Variants in PPM1L observed in about 807,000 individuals in gnomAD.
PPM1L encodes protein phosphatase, Mg2+/Mn2+ dependent 1L.
A neutral mutation model predicts 31.4 loss-of-function variants in PPM1L; 13 were observed. That is an observed-to-expected ratio of 0.41 (90% CI 0.27 to 0.66). PPM1L has a LOEUF of 0.66. Among genes scored for constraint, PPM1L ranks in the 30% least tolerant of loss-of-function variants. The pLI is 0.29. For missense variants in PPM1L, 326 were observed against 453.7 expected (o/e 0.72, Z 2.56); for synonymous variants, 184 against 175.4 (o/e 1.05, Z -0.39).
chr3:160,868,366 A>G (rs1039643710), intron 1 of PPM1L, among the ~76,000 whole-genome samples: 1 of 152,166 alleles, frequency 6.6e-6, no homozygotes, highest in Admixed American at 6.5e-5. Flanking sequence ...GCTTGTCTTC[A>G]AGGCACCCTG....
At chr3:160,814,526 CAT>C (rs1491199704) in intron 1 of PPM1L, among the ~76,000 whole-genome samples, 1 of 98,202 alleles carries the variant, frequency 1.0e-5, no homozygotes, top group Admixed American at 9.7e-5. Flanking sequence ...TATACACACA[CAT>C]ATGTATGTAT....
intron 1 of PPM1L, among the ~76,000 whole-genome samples, chr3:160,885,569 C>T (rs1260093562): frequency 6.6e-6 from 1 of 152,174 alleles, no homozygotes; most frequent in African/African-American, 2.4e-5. Flanking sequence ...GCATGATCCA[C>T]GAAGAGGAGG....
intron 2 of PPM1L, among the ~76,000 whole-genome samples, chr3:161,041,734 T>C (rs1321383069): frequency 6.6e-6 from 1 of 151,904 alleles, no homozygotes; most frequent in Non-Finnish European, 1.5e-5. Context: ...GACAACAGAG[T>C]GAGACTGTGC....
rs746897902 is a variant in PPM1L, at chr3:161,043,019, CAA to C, written c.575-22370_575-22369del. 5.7e-4 allele frequency among the ~76,000 whole-genome samples: 61 copies of C among 107,482 alleles called. 1 individual carries two copies. The South Asian group carries it at 0.015, about 27-fold the overall frequency. The allele number at this position is 107,482 out of a possible 152,430, so 70.5% of individuals were successfully genotyped here. On this transcript the variant is annotated intron_variant, in intron 2 of 3. Transcript: ENST00000498165. Reference sequence around the variant, plus strand: ...TGGCCAACAGAGTAAGATTCTGTCTCAAAAAAAAAAAAAAATTGTTATTTTTT... The same window carrying C: ...TGGCCAACAGAGTAAGATTCTGTCTCAAAAAAAAAAAAATTGTTATTTTTT...
chr3:161,041,595 A>G (rs1182938991), intron 2 of PPM1L, among the ~76,000 whole-genome samples: 1 of 152,106 alleles, frequency 6.6e-6, no homozygotes, highest in Non-Finnish European at 1.5e-5. Context: ...CTAAAAATAC[A>G]AAAAATTAGC....
intron 2 of PPM1L, among the ~76,000 whole-genome samples, chr3:161,058,080 A>T (rs1281853166): frequency 1.4e-5 from 2 of 142,808 alleles, no homozygotes; most frequent in Non-Finnish European, 3.1e-5. Context: ...GTTTAGCATT[A>T]TAATAAAATA....
At chr3:161,064,514 A>C (rs1030047834) in intron 2 of PPM1L, among the ~76,000 whole-genome samples, 2 of 152,186 alleles carry the variant, frequency 1.3e-5, no homozygotes, top group African/African-American at 4.8e-5. Context: ...AATTTTAACG[A>C]GGGAGATATG....
intron 1 of PPM1L, among the ~76,000 whole-genome samples, chr3:160,913,758 G>C (rs1480644901): frequency 6.6e-6 from 1 of 152,068 alleles, no homozygotes; most frequent in Non-Finnish European, 1.5e-5. Context: ...TTTCTGACTA[G>C]TATTCCATTG....
At chr3:160,859,891 C>G (rs937970785) in intron 1 of PPM1L, among the ~76,000 whole-genome samples, 1 of 152,184 alleles carries the variant, frequency 6.6e-6, no homozygotes, top group African/African-American at 2.4e-5. Flanking sequence ...GCGGAAGCCT[C>G]TGGTGAGTCC....
chr3:161,053,056 C>G lies in PPM1L; in HGVS notation c.575-12347C>G, dbSNP rs1225181967. Reference sequence around the variant, plus strand: ...ACCCTAAAAGAGAAGTGAGACAACTCACTGAAGAATCCTCAAATAACACGA... The same window carrying G: ...ACCCTAAAAGAGAAGTGAGACAACTGACTGAAGAATCCTCAAATAACACGA... On this transcript the variant is annotated intron_variant, in intron 2 of 3. Coordinates refer to ENST00000498165, the MANE Select transcript of PPM1L (RefSeq NM_139245.4). 2.0e-5 allele frequency among the ~76,000 whole-genome samples: 3 copies of G among 152,192 alleles called. No homozygotes were observed. In the East Asian group the frequency reaches 5.8e-4, roughly 29 times the overall value.
chr3:160,773,852 AC>A (rs1304316794), intron 1 of PPM1L, among the ~76,000 whole-genome samples: 1 of 149,470 alleles, frequency 6.7e-6, no homozygotes, highest in Non-Finnish European at 1.5e-5. Flanking sequence ...CCAGAGACTC[AC>A]CCCCTTGGTT....
chr3:161,011,298 G>C (rs1057241134), intron 2 of PPM1L, among the ~76,000 whole-genome samples: 1 of 152,078 alleles, frequency 6.6e-6, no homozygotes, highest in Non-Finnish European at 1.5e-5. Flanking sequence ...TCTTGTTTTT[G>C]TCAGGTTTGT....
At chr3:160,952,901 T>TTC (rs1479477953) in intron 1 of PPM1L, among the ~76,000 whole-genome samples, 3 of 152,226 alleles carry the variant, frequency 2.0e-5, no homozygotes, top group Non-Finnish European at 4.4e-5. Context: ...GCTTGAGGGT[T>TTC]TCTCTCTCTT....
At chr3:160,902,018 C>T (rs1216294678) in intron 1 of PPM1L, among the ~76,000 whole-genome samples, 1 of 151,764 alleles carries the variant, frequency 6.6e-6, no homozygotes, top group African/African-American at 2.4e-5. Context: ...TTGTTATTTC[C>T]ATAGGATTTT....
intron 1 of PPM1L, among the ~76,000 whole-genome samples, chr3:160,932,399 AT>A (rs1023316713): frequency 1.1e-4 from 17 of 152,076 alleles, no homozygotes; most frequent in Non-Finnish European, 2.1e-4. Context: ...TCTGACTTCT[AT>A]TTTGTCACCT....
chr3:160,951,269 C>G (rs115320040), intron 1 of PPM1L, among the ~76,000 whole-genome samples: 2,146 of 152,306 alleles, frequency 0.014, 47 homozygotes, highest in African/African-American at 0.048. Context: ...GAAACTAGTA[C>G]AAACTATTCC....
At chr3:160,856,749 C>T (rs996138190) in intron 1 of PPM1L, among the ~76,000 whole-genome samples, 2 of 151,738 alleles carry the variant, frequency 1.3e-5, no homozygotes, top group African/African-American at 2.4e-5. Context: ...ATCAAACCTT[C>T]GTGACATGTA....
At chr3:160,838,675 T>C (rs1450415557) in intron 1 of PPM1L, among the ~76,000 whole-genome samples, 1 of 152,178 alleles carries the variant, frequency 6.6e-6, no homozygotes, top group East Asian at 1.9e-4. Flanking sequence ...ATATAAGAAG[T>C]GACCATTCAA....
intron 1 of PPM1L, among the ~76,000 whole-genome samples, chr3:160,873,555 T>C (rs1415620337): frequency 6.6e-6 from 1 of 151,900 alleles, no homozygotes; most frequent in East Asian, 1.9e-4. Context: ...TTATTATTAT[T>C]ATTATTATTT....
Sources: gnomAD v4.1 joint callset for allele counts (sites outside exome capture counted in the v4.1 genomes callset) on GRCh38, gnomAD v4.1.1 for gene constraint, MANE v1.5 for transcripts, NCBI Gene and HGNC (gene_info 2026-07-23, HGNC 2026-07-21) for gene names.